CDKL5: variants seen among roughly 807,000 people sequenced by gnomAD.
CDKL5 encodes cyclin-dependent kinase-like 5.
A neutral mutation model predicts 61.7 loss-of-function variants in CDKL5; 8 were observed. The ratio of observed to expected loss-of-function variants is 0.13; its 90% CI spans 0.08 to 0.23. CDKL5 has a LOEUF of 0.23. CDKL5 is among the 10% of genes least tolerant of loss of function. CDKL5 has a pLI of 1.00. For synonymous variants in CDKL5, 275 were observed against 272.3 expected (o/e 1.01, Z -0.10); for missense variants, 440 against 734.5 (o/e 0.60, Z 4.63).
chrX:18,452,233 A>G (rs1932036279), intron 1 of CDKL5, among the ~76,000 whole-genome samples: 1 of 111,659 alleles, frequency 9.0e-6, no homozygotes, highest in African/African-American at 3.3e-5. Context: ...TAATAGAATA[A>G]GTGATTACTG....
chrX:18,457,912 CTTTTTTTTTTT>C (rs775565675), intron 1 of CDKL5, among the ~76,000 whole-genome samples: 1 of 45,247 alleles, frequency 2.2e-5, no homozygotes, highest in Admixed American at 3.1e-4. Context: ...CCATGCCCGG[CTTTTTTTTTTT>C]TTTTTTTTTT....
rs773492479 is a variant in CDKL5, at chrX:18,558,522, G to A, written c.100-5955G>A. On this transcript the variant is annotated intron_variant, in intron 3 of 17. Transcript: ENST00000623535. ...ACCCACGAAGATGTTAAATACCCATGAAGTTCTGCAGATTAAGAAACTAAA... is the reference window on the plus strand; with the variant it reads ...ACCCACGAAGATGTTAAATACCCATAAAGTTCTGCAGATTAAGAAACTAAA... Among the ~76,000 whole-genome samples the A allele has an allele frequency of 1.2e-3, 136 of 111,802 alleles. 1 individual carries two copies. Among genetic ancestry groups the A allele is most frequent in the African/African-American group, 4.3e-3 (132 of 30,783 alleles).
At position 18,604,524 on chromosome X, in the gene CDKL5, A is replaced by G. The variant is rs749639424; in HGVS notation, c.1600A>G (p.Arg534Gly). The part of the protein sequence containing the change: ...LNSPTSPTPT[R>G]HSDTRTLLSP... ...TTCTCCCACCAGCCCAACCCCCACCAGACACAGTGACACGAGAACTTTGCT... is the reference window on the plus strand; with the variant it reads ...TTCTCCCACCAGCCCAACCCCCACCGGACACAGTGACACGAGAACTTTGCT... Residue 534 changes from arginine to glycine, a missense_variant, in exon 12 of 18, where the codon AGA (arginine) becomes GGA (glycine). Arg to Gly is a moderately radical substitution (Grantham distance 125). This residue lies in a region of CDKL5 where 363 missense variants were observed against 516.3 expected (regional missense o/e 0.70). Coordinates refer to ENST00000623535, the MANE Select transcript of CDKL5 (RefSeq NM_001323289.2). 8.3e-7 allele frequency: 1 copy of G among 1,211,683 alleles called. No homozygotes were observed. Among genetic ancestry groups the G allele is most frequent in the Admixed American group, 2.2e-5 (1 of 46,047 alleles).
chrX:18,600,496 C>T (rs1926146329), intron 11 of CDKL5, among the ~76,000 whole-genome samples: 1 of 111,852 alleles, frequency 8.9e-6, no homozygotes, highest in Non-Finnish European at 1.9e-5. Flanking sequence ...TTAGTTTACA[C>T]CGAAAAATTA....
In CDKL5 at chrX:18,434,819, T is replaced by C. The variant is rs747089257; in HGVS notation, c.-163+9124T>C. On this transcript the variant is annotated intron_variant, in intron 1 of 17. Coordinates refer to ENST00000623535, the MANE Select transcript of CDKL5 (RefSeq NM_001323289.2). ...GGCACGCACCTGTAATCCCAGCTAC[T>C]CAGGAGGCTGAGTCGGGAGAGTCCC... 4.5e-5 allele frequency among the ~76,000 whole-genome samples: 5 copies of C among 111,174 alleles called. No individual in the cohort carries two copies. The East Asian group carries it at 8.5e-4, about 19-fold the overall frequency.
chrX:18,473,616 G>T (rs1270742829), intron 1 of CDKL5, among the ~76,000 whole-genome samples: 2 of 110,321 alleles, frequency 1.8e-5, no homozygotes, highest in Non-Finnish European at 3.8e-5. Flanking sequence ...GGGGAAATTG[G>T]TGAGAGTTGA....
chrX:18,546,979 A>G (rs1924220796), intron 3 of CDKL5, among the ~76,000 whole-genome samples: 1 of 111,597 alleles, frequency 9.0e-6, no homozygotes, highest in African/African-American at 3.3e-5. Flanking sequence ...AGTAAAGCTA[A>G]AACATCACCT....
At chrX:18,643,945 G>A (rs972803334), downstream of CDKL5, among the ~76,000 whole-genome samples, 6 of 111,209 alleles carry the variant, frequency 5.4e-5, no homozygotes, top group African/African-American at 9.8e-5. Flanking sequence ...GTTTAAGTTC[G>A]TCTGTGTTTG....
At chrX:18,477,678 G>A (rs1921369031) in intron 1 of CDKL5, among the ~76,000 whole-genome samples, 1 of 110,859 alleles carries the variant, frequency 9.0e-6, no homozygotes, top group Admixed American at 9.7e-5. Context: ...TCAGATGTAT[G>A]CTAACTTAAC....
chrX:18,652,253 G>A (rs1056406445), intron 21 of CDKL5, among the ~76,000 whole-genome samples: 4 of 111,792 alleles, frequency 3.6e-5, no homozygotes, highest in Non-Finnish European at 3.8e-5. Context: ...ATGGCATTTC[G>A]AAACAGGCAG....
At chrX:18,576,325 C>A (rs1925295435) in intron 5 of CDKL5, among the ~76,000 whole-genome samples, 1 of 111,601 alleles carries the variant, frequency 9.0e-6, no homozygotes, top group Non-Finnish European at 1.9e-5. Context: ...TTGTTATGGT[C>A]AAAAACTTAA....
At chrX:18,646,105 C>G (rs1927761767) in intron 20 of CDKL5, 6 of 1,211,721 alleles carry the variant, frequency 5.0e-6, no homozygotes, top group Non-Finnish European at 6.7e-6. Context: ...AGTCTGGGCC[C>G]CGCATGCCAT....
At chrX:18,484,090 T>A (rs1283581274) in intron 1 of CDKL5, among the ~76,000 whole-genome samples, 1 of 111,907 alleles carries the variant, frequency 8.9e-6, no homozygotes, top group Non-Finnish European at 1.9e-5. Flanking sequence ...ATGAGATCTG[T>A]TTCCTCTTTG....
At chrX:18,653,623 C>T (rs767340396) in exon 22 of CDKL5, 1 of 1,109,293 alleles carries the variant, frequency 9.0e-7, no homozygotes, top group East Asian at 3.2e-5. Flanking sequence ...AATGAATCAA[C>T]CATTAACGCT....
At chrX:18,533,933 C>T in intron 3 of CDKL5, among the ~76,000 whole-genome samples, 1 of 111,847 alleles carries the variant, frequency 8.9e-6, no homozygotes, top group Non-Finnish European at 1.9e-5. Flanking sequence ...CTCCCACTGG[C>T]CCCTAGAACT....
intron 16 of CDKL5, among the ~76,000 whole-genome samples, chrX:18,621,882 T>A (rs1017303410): frequency 2.7e-5 from 3 of 112,129 alleles, no homozygotes; most frequent in African/African-American, 9.7e-5. Flanking sequence ...AATAAAACTT[T>A]TATCATTGTC....
At chrX:18,486,538 T>C (rs1391619514) in intron 1 of CDKL5, among the ~76,000 whole-genome samples, 1 of 112,436 alleles carries the variant, frequency 8.9e-6, no homozygotes, top group Non-Finnish European at 1.9e-5. Flanking sequence ...CAATGGCATA[T>C]AGCCTTAACT....
At position 18,632,518 on chromosome X, in the gene CDKL5, CA is replaced by C. The variant is rs746290894; in HGVS notation, c.*3764del. The C allele has an allele frequency of 1.3e-6, 1 of 752,939 alleles. No individual in the cohort carries two copies. The highest frequency in any genetic ancestry group is 1.5e-4 in the East Asian group (1 of 6,617). 62.1% of individuals were successfully genotyped at this position (752,939 alleles called of 1,213,427 possible). A position where few individuals can be genotyped will look rare whatever the true frequency, so the allele number is the denominator to read the frequency against. On this transcript the variant is annotated 3_prime_UTR_variant, in exon 18 of 18. Coordinates refer to ENST00000623535, the MANE Select transcript of CDKL5 (RefSeq NM_001323289.2). ...ATTCAAGTCATTTAATAGCTCTTTA[CA>C]AATATTAGCATATGGCAGACCAATT...
At chrX:18,533,769 T>C (rs1482065692) in intron 3 of CDKL5, among the ~76,000 whole-genome samples, 1 of 111,573 alleles carries the variant, frequency 9.0e-6, no homozygotes, top group Non-Finnish European at 1.9e-5. Context: ...TGATTGCCTG[T>C]TCCTCTCTCC....
Sources: gnomAD v4.1 joint callset for allele counts (sites outside exome capture counted in the v4.1 genomes callset) on GRCh38, gnomAD v4.1.1 for gene constraint, gnomAD v4.1.1 regional missense constraint, MANE v1.5 for transcripts, NCBI Gene and HGNC (gene_info 2026-07-23, HGNC 2026-07-21) for gene names.